PPP6R3: variants seen among roughly 807,000 people sequenced by gnomAD.
PPP6R3 encodes the protein serine/threonine-protein phosphatase 6 regulatory subunit 3.
A neutral mutation model predicts 110.7 loss-of-function variants in PPP6R3; 38 were observed. That is an observed-to-expected ratio of 0.34 (90% CI 0.26 to 0.45). The LOEUF (loss-of-function observed/expected upper bound fraction) is 0.45. PPP6R3 is among the 20% of genes least tolerant of loss of function. The pLI is 1.00. For missense variants in PPP6R3, 870 were observed against 1,062.4 expected, an observed-to-expected ratio of 0.82 and a Z score of 2.52; for synonymous variants, 369 against 373.5, an observed-to-expected ratio of 0.99 and a Z score of 0.14.
At chr11:68,600,516 C>T in intron 20 of PPP6R3, 22 bp downstream of exon 20, 1 of 1,596,522 alleles carries the variant, frequency 6.3e-7, no homozygotes, top group Non-Finnish European at 8.5e-7. Context: ...TGTGCTGTCT[C>T]TACACCCTTC....
intron 1 of PPP6R3, among the ~76,000 whole-genome samples, chr11:68,505,470 A>G (rs765996828): frequency 6.6e-5 from 10 of 151,836 alleles, no homozygotes; most frequent in Non-Finnish European, 1.3e-4. Context: ...AGATTTTTAA[A>G]AATTGAATTA....
intron 1 of PPP6R3, among the ~76,000 whole-genome samples, chr11:68,499,735 C>T (rs912593560): frequency 3.9e-5 from 6 of 152,032 alleles, no homozygotes; most frequent in East Asian, 1.9e-4. Flanking sequence ...CCACCACACC[C>T]GGCTCAGTTT....
At chr11:68,555,042 A>AC (rs1565810615) in intron 7 of PPP6R3, among the ~76,000 whole-genome samples, 1 of 152,198 alleles carries the variant, frequency 6.6e-6, no homozygotes, top group African/African-American at 2.4e-5. Flanking sequence ...TCCTGGACAT[A>AC]TGTAAGACAG....
intron 23 of PPP6R3, among the ~76,000 whole-genome samples, chr11:68,610,454 A>G (rs1942848041): frequency 1.3e-5 from 2 of 152,212 alleles, no homozygotes; most frequent in Non-Finnish European, 2.9e-5. Context: ...CCTGTGTGAC[A>G]CAAGGAGAAC....
At chr11:68,462,867 A>G (rs964789335) in intron 1 of PPP6R3, among the ~76,000 whole-genome samples, 5 of 152,190 alleles carry the variant, frequency 3.3e-5, no homozygotes, top group Non-Finnish European at 7.3e-5. Flanking sequence ...AGTCTTAAGT[A>G]GAGATGAGTA....
At chr11:68,581,458 G>T (rs972331712) in intron 14 of PPP6R3, among the ~76,000 whole-genome samples, 1 of 152,252 alleles carries the variant, frequency 6.6e-6, no homozygotes, top group Admixed American at 6.5e-5. Flanking sequence ...CGCCAACTCT[G>T]TTTTGTCCTA....
At chr11:68,473,862 A>G (rs1056161535) in intron 1 of PPP6R3, among the ~76,000 whole-genome samples, 2 of 152,104 alleles carry the variant, frequency 1.3e-5, no homozygotes, top group African/African-American at 2.4e-5. Context: ...TTCTGTGAAT[A>G]TTTGCATACA....
In PPP6R3 at chr11:68,569,885, G is replaced by T. The variant is rs368134681; in HGVS notation, c.1266G>T (p.Leu422Phe). The T allele has an allele frequency of 3.1e-6, 5 of 1,607,590 alleles. No homozygotes were observed. In the African/African-American group the frequency reaches 5.3e-5, roughly 17 times the overall value. ...ATCAAGACTCCACTGGTGATAATTTGTTATTAAAACATGTAAGCTTATTTG... is the reference window on the plus strand; with the variant it reads ...ATCAAGACTCCACTGGTGATAATTTTTTATTAAAACATGTAAGCTTATTTG... ...ITDQDSTGDN[L>F]LLKHLFQKCQ... Residue 422 changes from leucine to phenylalanine, a missense_variant, in exon 11 of 24, where the codon TTG becomes TTT. Physicochemically the swap from Leu to Phe is conservative, Grantham distance 22. Coordinates refer to ENST00000393800, the MANE Select transcript of PPP6R3 (RefSeq NM_001164161.2).
intron 2 of PPP6R3, among the ~76,000 whole-genome samples, chr11:68,533,611 G>A (rs1009385097): frequency 6.0e-5 from 9 of 150,362 alleles, no homozygotes; most frequent in African/African-American, 2.2e-4. Flanking sequence ...AGGCTGAGGT[G>A]GGAGGATCAC....
At chr11:68,553,848 G>A (rs1304955073) in intron 6 of PPP6R3, among the ~76,000 whole-genome samples, 1 of 152,016 alleles carries the variant, frequency 6.6e-6, no homozygotes, top group South Asian at 2.1e-4. Context: ...GAGCATTTTC[G>A]ATTTGGGATG....
At chr11:68,500,971 G>T (rs1030084902) in intron 1 of PPP6R3, among the ~76,000 whole-genome samples, 8 of 152,188 alleles carry the variant, frequency 5.3e-5, no homozygotes, top group African/African-American at 1.7e-4. Flanking sequence ...TTTTCTGTGT[G>T]TACGGGAGGC....
intron 2 of PPP6R3, among the ~76,000 whole-genome samples, chr11:68,531,016 G>A (rs1410362227): frequency 1.3e-5 from 2 of 152,100 alleles, no homozygotes; most frequent in African/African-American, 2.4e-5. Context: ...GGTATGTTCT[G>A]CCTCTGTCTT....
At chr11:68,593,629 A>C (rs1394809242) in intron 18 of PPP6R3, among the ~76,000 whole-genome samples, 1 of 152,266 alleles carries the variant, frequency 6.6e-6, no homozygotes, top group Non-Finnish European at 1.5e-5. Context: ...AAAAGAACAA[A>C]GGGCAGCCTG....
chr11:68,575,118 A>C (rs2099525551), intron 13 of PPP6R3, among the ~76,000 whole-genome samples: 1 of 152,202 alleles, frequency 6.6e-6, no homozygotes, highest in African/African-American at 2.4e-5. Flanking sequence ...TTCACCACAC[A>C]GTTTATCTTT....
At position 68,608,215 on chromosome 11, in the gene PPP6R3, A is replaced by G. The variant is rs150400854; in HGVS notation, c.2451-1689A>G. Among the ~76,000 whole-genome samples the G allele has an allele frequency of 2.8e-3, 425 of 152,334 alleles. 2 individuals are homozygous for G. The highest frequency in any genetic ancestry group is 9.7e-3 in the African/African-American group (405 of 41,574). ...ACAAGAGACTGACATTATATATTCA[A>G]GGACTTCCTATAAACTAGTAAGAAG... On this transcript the variant is annotated intron_variant, in intron 22 of 23. Coordinates refer to ENST00000393800, the MANE Select transcript of PPP6R3 (RefSeq NM_001164161.2).
chr11:68,573,151 T>TATAAA lies in PPP6R3; in HGVS notation c.1344-954_1344-953insAATAA, dbSNP rs1164956705. On this transcript the variant is annotated intron_variant, in intron 12 of 23. Coordinates refer to ENST00000393800, the MANE Select transcript of PPP6R3 (RefSeq NM_001164161.2). ...ATATATATATATATATATATATATATATAATTTTTTTTTTTTTGAGACGGA... is the reference window on the plus strand; with the variant it reads ...ATATATATATATATATATATATATATATAAAATAATTTTTTTTTTTTTGAGACGGA... Among the ~76,000 whole-genome samples, 7 of 111,976 alleles carry TATAAA rather than the reference T, an allele frequency of 6.3e-5. 1 individual carries two copies. Among genetic ancestry groups the TATAAA allele is most frequent in the African/African-American group, 2.3e-4 (7 of 29,988 alleles). The allele number at this position is 111,976 out of a possible 152,430, so 73.5% of individuals were successfully genotyped here.
chr11:68,596,988 A>G (rs2099615651), intron 19 of PPP6R3, among the ~76,000 whole-genome samples: 1 of 152,182 alleles, frequency 6.6e-6, no homozygotes, highest in Non-Finnish European at 1.5e-5. Flanking sequence ...AGGAAACGGG[A>G]TGGGAGAAGA....
intron 1 of PPP6R3, among the ~76,000 whole-genome samples, chr11:68,482,561 A>G (rs10896329): frequency 0.23 from 35,080 of 152,058 alleles, 4,305 homozygotes; most frequent in Middle Eastern, 0.32. Context: ...ATAGTAGCCT[A>G]TTTTATGGAC....
chr11:68,568,915 C>T (rs2099490641), intron 10 of PPP6R3, among the ~76,000 whole-genome samples: 1 of 152,068 alleles, frequency 6.6e-6, no homozygotes, highest in East Asian at 1.9e-4. Context: ...CAGGCGCCCG[C>T]CACCACACCC....
Sources: gnomAD v4.1 joint callset for allele counts (sites outside exome capture counted in the v4.1 genomes callset) on GRCh38, gnomAD v4.1.1 for gene constraint, MANE v1.5 for transcripts, NCBI Gene and HGNC (gene_info 2026-07-23, HGNC 2026-07-21) for gene names.